The following KCNH1 variants were observed in gnomAD, a reference collection of about 807,000 sequenced individuals.
KCNH1 encodes potassium voltage-gated channel subfamily H member 1, also known as voltage-gated delayed rectifier potassium channel KCNH1.
KCNH1 carries 27 observed loss-of-function variants against 69.2 expected under a neutral mutation model. That is an observed-to-expected ratio of 0.39 (90% CI 0.29 to 0.54). The LOEUF is 0.54. KCNH1 is among the 20% of genes least tolerant of loss of function. The pLI is 0.68. For synonymous variants in KCNH1, 456 were observed against 487.7 expected (o/e 0.93, Z 0.86); for missense variants, 798 against 1,261.6 (o/e 0.63, Z 5.57).
intron 7 of KCNH1, among the ~76,000 whole-genome samples, chr1:210,806,834 AAAATATAT>A (rs1684585294): frequency 5.9e-5 from 4 of 67,800 alleles, no homozygotes; most frequent in African/African-American, 2.2e-4. Flanking sequence ...AAAAAAAAAA[AAAATATAT>A]ATATATATAT....
chr1:210,856,804 T>TATATATATC (rs1685850125), intron 7 of KCNH1, among the ~76,000 whole-genome samples: 1 of 79,040 alleles, frequency 1.3e-5, no homozygotes, highest in Admixed American at 1.3e-4. Context: ...TTTATATTTA[T>TATATATATC]ATATATATTA....
chr1:210,758,712 A>T (rs189918411), intron 10 of KCNH1, among the ~76,000 whole-genome samples: 5 of 152,046 alleles, frequency 3.3e-5, no homozygotes, highest in African/African-American at 1.2e-4. Context: ...CCTTCCACCA[A>T]CCTCCTCAGT....
chr1:210,916,934 G>A (rs1413886193), intron 7 of KCNH1, among the ~76,000 whole-genome samples: 1 of 151,964 alleles, frequency 6.6e-6, no homozygotes, highest in Non-Finnish European at 1.5e-5. Context: ...GATCACCTGA[G>A]GTCAGGAGTT....
intron 6 of KCNH1, among the ~76,000 whole-genome samples, chr1:210,930,433 G>A (rs926208698): frequency 6.6e-6 from 1 of 152,038 alleles, no homozygotes; most frequent in African/African-American, 2.4e-5. Flanking sequence ...ATAAAGTGGG[G>A]AAAAGACACT....
At chr1:211,005,774 A>G (rs1689270102) in intron 6 of KCNH1, among the ~76,000 whole-genome samples, 1 of 152,166 alleles carries the variant, frequency 6.6e-6, no homozygotes, top group East Asian at 1.9e-4. Context: ...GCTCATCAAA[A>G]TGCATCCTAA....
At chr1:210,759,156 G>GACAC (rs60773247) in intron 10 of KCNH1, among the ~76,000 whole-genome samples, 58,347 of 148,394 alleles carry the variant, frequency 0.39, 11,850 homozygotes, top group East Asian at 0.7. Context: ...CCAAATGATA[G>GACAC]ACACACACAC....
At chr1:211,060,400 C>CAAAAAAAAAAAAAAAAAAAAAAAAAAAA (rs60620622) in intron 5 of KCNH1, among the ~76,000 whole-genome samples, 1 of 44,324 alleles carries the variant, frequency 2.3e-5, no homozygotes, top group Non-Finnish European at 3.5e-5. Flanking sequence ...GACTCCGTCT[C>CAAAAAAAAAAAAAAAAAAAAAAAAAAAA]AAAAAAAAAA....
intron 5 of KCNH1, among the ~76,000 whole-genome samples, chr1:211,027,575 C>A: frequency 6.8e-6 from 1 of 147,792 alleles, no homozygotes; most frequent in Admixed American, 6.8e-5. Flanking sequence ...GTGTAGGCAA[C>A]AAAGTGGGCA....
chr1:211,069,193 G>A (rs1160640038), intron 5 of KCNH1, among the ~76,000 whole-genome samples: 1 of 152,148 alleles, frequency 6.6e-6, no homozygotes, highest in Non-Finnish European at 1.5e-5. Context: ...GGTGAGGGGA[G>A]GAATGAAAAG....
intron 6 of KCNH1, among the ~76,000 whole-genome samples, chr1:210,946,171 T>A (rs1378436046): frequency 6.6e-6 from 1 of 152,222 alleles, no homozygotes; most frequent in Non-Finnish European, 1.5e-5. Context: ...AGGAATCGCA[T>A]CATGAAGGTG....
At chr1:210,883,394 G>A (rs1002578048) in intron 7 of KCNH1, among the ~76,000 whole-genome samples, 4 of 152,208 alleles carry the variant, frequency 2.6e-5, no homozygotes, top group African/African-American at 9.6e-5. Flanking sequence ...GGGTGGGGGA[G>A]TTTCTCTATG....
chr1:210,803,670 T>C (rs1331818075), intron 8 of KCNH1, among the ~76,000 whole-genome samples: 1 of 152,226 alleles, frequency 6.6e-6, no homozygotes, highest in Non-Finnish European at 1.5e-5. Context: ...ATGGCTCTGA[T>C]TCTTATCATC....
intron 5 of KCNH1, among the ~76,000 whole-genome samples, chr1:211,050,659 ATC>A (rs1690185541): frequency 6.6e-6 from 1 of 152,166 alleles, no homozygotes; most frequent in Admixed American, 6.5e-5. Flanking sequence ...TAATCTTGAA[ATC>A]TTCAGTTGTA....
At chr1:210,684,242 A>G in intron 10 of KCNH1, 104 bp from the exon 11 acceptor site, 1 of 1,233,678 alleles carries the variant, frequency 8.1e-7, no homozygotes, top group Non-Finnish European at 1.1e-6. Flanking sequence ...CTTCCAGTCC[A>G]CCTGCCACCA....
chr1:210,765,280 A>G (rs1158109283), intron 10 of KCNH1, among the ~76,000 whole-genome samples: 2 of 152,186 alleles, frequency 1.3e-5, no homozygotes, highest in South Asian at 2.1e-4. Context: ...TTGAAAAACT[A>G]TCTACTACTG....
At chr1:210,985,312 T>A (rs1398584559) in intron 6 of KCNH1, among the ~76,000 whole-genome samples, 3 of 152,222 alleles carry the variant, frequency 2.0e-5, no homozygotes, top group African/African-American at 7.2e-5. Context: ...AGTTATTTCT[T>A]GCCTTCTGCT....
chr1:210,886,489 C>T (rs9661403), intron 7 of KCNH1, among the ~76,000 whole-genome samples: 13,341 of 151,998 alleles, frequency 0.088, 1,293 homozygotes, highest in African/African-American at 0.23. Context: ...TGCTTCTTCT[C>T]CTCCAAAGGA....
intron 6 of KCNH1, among the ~76,000 whole-genome samples, chr1:210,991,192 T>C (rs1466384201): frequency 6.6e-6 from 1 of 152,172 alleles, no homozygotes; most frequent in Non-Finnish European, 1.5e-5. Flanking sequence ...ATAGGCAAGA[T>C]ATGGAATCAA....
At chr1:211,008,688 A>T (rs1240304854) in intron 6 of KCNH1, among the ~76,000 whole-genome samples, 4 of 152,210 alleles carry the variant, frequency 2.6e-5, no homozygotes, top group Non-Finnish European at 5.9e-5. Flanking sequence ...AATGGAGGAG[A>T]ACCTTCTAGG....
Sources: allele counts gnomAD v4.1 joint callset (sites outside exome capture counted in the v4.1 genomes callset), GRCh38; gene constraint gnomAD v4.1.1; transcripts MANE v1.5; gene names NCBI Gene and HGNC (gene_info 2026-07-23, HGNC 2026-07-21).